Variants in DPY19L3 observed in about 807,000 individuals in gnomAD.
The protein encoded by DPY19L3 is protein C-mannosyl-transferase DPY19L3.
A neutral mutation model predicts 92.3 loss-of-function variants in DPY19L3; 51 were observed. The observed-to-expected ratio is 0.55, with a 90% confidence interval of 0.44 to 0.70. DPY19L3 has a LOEUF of 0.70. Ranked by LOEUF, DPY19L3 falls within the 30% of genes least tolerant of loss-of-function variation. The probability of loss-of-function intolerance (pLI) is 0.00; values close to 1 mark genes in which losing one functional copy is unlikely to be tolerated. For synonymous variants in DPY19L3, 309 were observed against 315.2 expected, an observed-to-expected ratio of 0.98 and a Z score of 0.21; for missense variants, 706 against 855.9, an observed-to-expected ratio of 0.82 and a Z score of 2.18.
At chr19:32,408,377 C>T (rs776999838) in intron 2 of DPY19L3, 21 bp downstream of exon 2, 8 of 1,577,720 alleles carry the variant, frequency 5.1e-6, no homozygotes, top group African/African-American at 2.7e-5. Context: ...TAAACTAAAG[C>T]AGCAATTTGG....
chr19:32,415,475 G>C (rs974908572), intron 3 of DPY19L3, among the ~76,000 whole-genome samples: 8 of 152,282 alleles, frequency 5.3e-5, no homozygotes, highest in African/African-American at 1.7e-4. Flanking sequence ...GATGTACTGG[G>C]AATGGTAAAC....
chr19:32,466,332 TG>T (rs1176237909), intron 15 of DPY19L3, among the ~76,000 whole-genome samples: 1 of 152,218 alleles, frequency 6.6e-6, no homozygotes, highest in African/African-American at 2.4e-5. Context: ...ATCAGAAGCC[TG>T]GGAGTCCAGT....
chr19:32,412,751 G>A (rs1312500797), intron 3 of DPY19L3: 2 of 152,228 alleles, frequency 1.3e-5, no homozygotes, highest in East Asian at 3.9e-4. Context: ...CCAACATGGT[G>A]GAACCCTATC....
At chr19:32,415,762 T>C (rs1458831061) in intron 3 of DPY19L3, among the ~76,000 whole-genome samples, 1 of 152,176 alleles carries the variant, frequency 6.6e-6, no homozygotes, top group Non-Finnish European at 1.5e-5. Flanking sequence ...GACACTTTTC[T>C]AGGCCCTGGG....
chr19:32,424,444 G>T (rs1042236242), intron 3 of DPY19L3, among the ~76,000 whole-genome samples: 5 of 151,912 alleles, frequency 3.3e-5, no homozygotes, highest in Non-Finnish European at 7.4e-5. Context: ...GGGCAACATG[G>T]TGAAAACTTG....
intron 4 of DPY19L3, among the ~76,000 whole-genome samples, chr19:32,433,673 T>C (rs889540533): frequency 6.6e-6 from 1 of 152,222 alleles, no homozygotes; most frequent in Admixed American, 6.5e-5. Flanking sequence ...TCCTCCTGCC[T>C]CAGCCTCCCA....
At chr19:32,472,085 G>A (rs1310980319) in intron 16 of DPY19L3, among the ~76,000 whole-genome samples, 3 of 152,028 alleles carry the variant, frequency 2.0e-5, no homozygotes, top group Non-Finnish European at 4.4e-5. Flanking sequence ...CTTTTCTCCC[G>A]AATTCTCACC....
chr19:32,452,183 C>G (rs1460964657), intron 8 of DPY19L3, among the ~76,000 whole-genome samples: 1 of 152,200 alleles, frequency 6.6e-6, no homozygotes, highest in East Asian at 1.9e-4. Context: ...TACATCAACT[C>G]TGTGAGGAAG....
intron 3 of DPY19L3, among the ~76,000 whole-genome samples, chr19:32,416,297 G>A (rs971734063): frequency 2.0e-5 from 3 of 152,210 alleles, no homozygotes; most frequent in African/African-American, 4.8e-5. Context: ...CCTTAGCAGC[G>A]GGGTGGATGG....
chr19:32,438,959 G>A, intron 6 of DPY19L3, 153 bp from the exon 7 acceptor site: 1 of 751,964 alleles, frequency 1.3e-6, no homozygotes. Context: ...TGATGATGAT[G>A]ATGATGATGA....
intron 3 of DPY19L3, among the ~76,000 whole-genome samples, chr19:32,417,950 C>T (rs1968432740): frequency 6.6e-6 from 1 of 152,138 alleles, no homozygotes. Context: ...AGCAGTCCAC[C>T]TAGAAATACA....
chr19:32,432,357 T>C (rs1265520099), intron 3 of DPY19L3, among the ~76,000 whole-genome samples: 1 of 152,192 alleles, frequency 6.6e-6, no homozygotes, highest in Non-Finnish European at 1.5e-5. Flanking sequence ...ATTGATCTTA[T>C]GTAATATTGG....
intron 1 of DPY19L3, among the ~76,000 whole-genome samples, chr19:32,406,657 C>T (rs188348412): frequency 6.6e-6 from 1 of 152,200 alleles, no homozygotes; most frequent in South Asian, 2.1e-4. Context: ...TAGCGCTAGT[C>T]GTCCTTATTA....
intron 18 of DPY19L3, 114 bp from the exon 19 acceptor site, chr19:32,481,965 T>C (rs2145647252): frequency 8.3e-7 from 1 of 1,202,090 alleles, no homozygotes; most frequent in Non-Finnish European, 1.2e-6. Context: ...TGAAATAATA[T>C]AATTTAATTT....
intron 15 of DPY19L3, among the ~76,000 whole-genome samples, chr19:32,466,515 C>A (rs890755108): frequency 6.6e-6 from 1 of 152,208 alleles, no homozygotes; most frequent in Non-Finnish European, 1.5e-5. Context: ...AGCCTCTGCC[C>A]GCTCATTGAA....
intron 16 of DPY19L3, among the ~76,000 whole-genome samples, chr19:32,469,894 T>C (rs1970306235): frequency 6.6e-6 from 1 of 152,242 alleles, no homozygotes; most frequent in Non-Finnish European, 1.5e-5. Context: ...AGCAGCAGTG[T>C]AATTATTCAC....
chr19:32,408,123 A>C, intron 1 of DPY19L3, 94 bp from the exon 2 acceptor site: 3 of 654,128 alleles, frequency 4.6e-6, no homozygotes. Context: ...TAATAGAGGG[A>C]AAATGGCATA....
At chr19:32,407,264 T>TCCCCC (rs148363125) in intron 1 of DPY19L3, among the ~76,000 whole-genome samples, 14 of 81,260 alleles carry the variant, frequency 1.7e-4, no homozygotes, top group Non-Finnish European at 2.9e-4. Flanking sequence ...AGGCTCCTGC[T>TCCCCC]CCCCCCCACC....
chr19:32,446,667 A>C (rs904147164), intron 8 of DPY19L3, among the ~76,000 whole-genome samples: 5 of 152,260 alleles, frequency 3.3e-5, no homozygotes, highest in African/African-American at 1.2e-4. Flanking sequence ...AAGAAGAAAT[A>C]GCAATCCTAA....
Sources: allele counts gnomAD v4.1 joint callset (sites outside exome capture counted in the v4.1 genomes callset), GRCh38; gene constraint gnomAD v4.1.1; transcripts MANE v1.5; gene names NCBI Gene and HGNC (gene_info 2026-07-23, HGNC 2026-07-21).